The following GDPD5 variants were observed in gnomAD, a reference collection of about 807,000 sequenced individuals.
GDPD5 encodes the protein glycerophosphodiester phosphodiesterase 2.
A neutral mutation model predicts 75.1 loss-of-function variants in GDPD5; 48 were observed. The ratio of observed to expected loss-of-function variants is 0.64; its 90% CI spans 0.51 to 0.81. The LOEUF (loss-of-function observed/expected upper bound fraction) is 0.81. Among genes scored for constraint, GDPD5 ranks in the 40% least tolerant of loss-of-function variants. The probability of loss-of-function intolerance (pLI) is 0.00; values close to 1 mark genes in which losing one functional copy is unlikely to be tolerated. For missense variants in GDPD5, 706 were observed against 822.6 expected (o/e 0.86, Z 1.73); for synonymous variants, 336 against 339.0 (o/e 0.99, Z 0.10).
At chr11:75,452,943 A>G (rs1179765578) in intron 6 of GDPD5, 1 of 152,600 alleles carries the variant, frequency 6.6e-6, no homozygotes, top group Non-Finnish European at 1.5e-5. Flanking sequence ...GCGAGGACAG[A>G]AGAGCAGTGC....
intron 10 of GDPD5, among the ~76,000 whole-genome samples, chr11:75,443,899 A>G (rs1013747214): frequency 6.6e-6 from 1 of 152,216 alleles, no homozygotes; most frequent in Non-Finnish European, 1.5e-5. Flanking sequence ...ACTGGGAACA[A>G]TGTCCTCATT....
At chr11:75,468,834 C>T (rs2135328444) in intron 3 of GDPD5, among the ~76,000 whole-genome samples, 1 of 152,310 alleles carries the variant, frequency 6.6e-6, no homozygotes, top group East Asian at 1.9e-4. Context: ...GCTGGATTTT[C>T]ACCCAGGCCC....
intron 1 of GDPD5, among the ~76,000 whole-genome samples, chr11:75,509,944 T>A (rs1312662722): frequency 6.6e-6 from 1 of 152,174 alleles, no homozygotes; most frequent in Admixed American, 6.5e-5. Context: ...CCTCCCAAAG[T>A]GTTGGGATTA....
rs990314641 is a variant in GDPD5 at position 75,519,485 on chromosome 11, C to T, written c.-145+5725G>A. Among the ~76,000 whole-genome samples the T allele has an allele frequency of 7.2e-5, 11 of 152,302 alleles. No individual in the cohort carries two copies. In the East Asian group the frequency reaches 1.7e-3, roughly 24 times the overall value. ...TCATTCCAAACGCCTTTCCTGAGCA[C>T]CTGTTTTCTCTAAGATCCTCTGTGA... On this transcript the variant is annotated intron_variant, in intron 1 of 16. Coordinates refer to ENST00000336898, the MANE Select transcript of GDPD5 (RefSeq NM_030792.8).
chr11:75,442,667 C>A, intron 11 of GDPD5, 86 bp from the exon 12 acceptor site: 3 of 1,217,390 alleles, frequency 2.5e-6, no homozygotes, highest in Non-Finnish European at 3.5e-6. Flanking sequence ...AGCGTGGAGA[C>A]CCCTGGGCTG....
intron 1 of GDPD5, among the ~76,000 whole-genome samples, chr11:75,516,397 T>C (rs1950640115): frequency 6.6e-6 from 1 of 152,236 alleles, no homozygotes; most frequent in Non-Finnish European, 1.5e-5. Flanking sequence ...TGGGTTGATG[T>C]ACCCTCTCTG....
chr11:75,488,998 G>A (rs939636027), intron 2 of GDPD5, among the ~76,000 whole-genome samples: 1 of 152,124 alleles, frequency 6.6e-6, no homozygotes, highest in South Asian at 2.1e-4. Context: ...CCTGCACTGG[G>A]CCTGGCACCA....
intron 1 of GDPD5, among the ~76,000 whole-genome samples, chr11:75,501,840 G>A (rs1950310420): frequency 6.6e-6 from 1 of 152,186 alleles, no homozygotes; most frequent in African/African-American, 2.4e-5. Context: ...GCCAATCTGA[G>A]CAGAGAACAA....
At chr11:75,451,714 C>CATCT (rs1379786344) in intron 6 of GDPD5, 1 of 152,174 alleles carries the variant, frequency 6.6e-6, no homozygotes, top group East Asian at 1.9e-4. Flanking sequence ...TTTCCAGGAG[C>CATCT]ATCTCATCAC....
intron 1 of GDPD5, among the ~76,000 whole-genome samples, chr11:75,515,708 C>T (rs770962746): frequency 2.0e-5 from 3 of 152,220 alleles, no homozygotes; most frequent in Non-Finnish European, 2.9e-5. Context: ...GGGCTGGGGC[C>T]GCTGCTCTGT....
Position 75,442,473 on chromosome 11 carries a change from C to T in GDPD5, c.1057G>A (p.Ala353Thr), listed in dbSNP as rs772703046. 10 of 1,613,902 alleles carry T rather than the reference C, an allele frequency of 6.2e-6. No homozygotes were observed. Among genetic ancestry groups the T allele is most frequent in the Admixed American group, 1.7e-5 (1 of 60,004 alleles). Residue 353 changes from alanine (A) to threonine (T), a missense_variant, in exon 12 of 17, where the codon GCC becomes ACC. Transcript: ENST00000336898. ...AELLELAKGN[A>T]TLLLNLRDPP... ...TCACGCAGGTTGAGCAGCAGTGTGG[C>T]ATTGCCCTTGGCCAGCTCCAGGAGC...
intron 3 of GDPD5, among the ~76,000 whole-genome samples, chr11:75,476,262 C>A (rs1211215081): frequency 6.6e-6 from 1 of 152,116 alleles, no homozygotes. Flanking sequence ...GAGGCTGAGG[C>A]TTGGGCATCT....
intron 2 of GDPD5, among the ~76,000 whole-genome samples, chr11:75,478,929 G>A (rs1463652372): frequency 2.6e-5 from 4 of 152,206 alleles, no homozygotes; most frequent in Admixed American, 2.6e-4. Context: ...AGTCAATCTA[G>A]GAACTGCTCT....
intron 2 of GDPD5, among the ~76,000 whole-genome samples, chr11:75,481,532 G>C (rs764669958): frequency 6.6e-6 from 1 of 152,138 alleles, no homozygotes; most frequent in Non-Finnish European, 1.5e-5. Flanking sequence ...GACAGGCTGG[G>C]GTGGGGACAC....
intron 3 of GDPD5, among the ~76,000 whole-genome samples, chr11:75,474,618 G>A (rs1319135286): frequency 6.6e-6 from 1 of 152,082 alleles, no homozygotes; most frequent in Admixed American, 6.5e-5. Flanking sequence ...GGGGGACTGG[G>A]GGGCAAAGGC....
intron 1 of GDPD5, among the ~76,000 whole-genome samples, chr11:75,507,800 C>T (rs1207883051): frequency 6.6e-6 from 1 of 152,136 alleles, no homozygotes. Context: ...AATTAAGCAG[C>T]TGTCCCATTA....
intron 16 of GDPD5, among the ~76,000 whole-genome samples, chr11:75,436,648 C>T (rs1402742122): frequency 6.6e-6 from 1 of 152,132 alleles, no homozygotes; most frequent in Non-Finnish European, 1.5e-5. Context: ...GCCTTCAAAA[C>T]AGACTCCTCT....
intron 3 of GDPD5, among the ~76,000 whole-genome samples, chr11:75,472,583 C>T (rs1412687694): frequency 6.6e-6 from 1 of 152,300 alleles, no homozygotes; most frequent in South Asian, 2.1e-4. Context: ...ACCAAGAACA[C>T]AGCACACACC....
chr11:75,486,897 C>T (rs533946764), intron 2 of GDPD5, among the ~76,000 whole-genome samples: 1 of 152,318 alleles, frequency 6.6e-6, no homozygotes, highest in South Asian at 2.1e-4. Flanking sequence ...GGAGACAGCA[C>T]AGCGGAAGCC....
Sources: allele counts gnomAD v4.1 joint callset (sites outside exome capture counted in the v4.1 genomes callset), GRCh38; gene constraint gnomAD v4.1.1; transcripts MANE v1.5; gene names NCBI Gene and HGNC (gene_info 2026-07-23, HGNC 2026-07-21).